Variants in KCNH8 observed in about 807,000 individuals in gnomAD.
KCNH8 encodes the protein voltage-gated delayed rectifier potassium channel KCNH8.
Under a neutral mutation model 103.6 loss-of-function variants are expected in KCNH8, and 70 were observed. The observed-to-expected ratio is 0.68, with a 90% CI of 0.56 to 0.82. The LOEUF is 0.82. Ranked by LOEUF, KCNH8 falls within the 40% of genes least tolerant of loss-of-function variation. The pLI, the probability that KCNH8 is intolerant of heterozygous loss-of-function variation, is 0.00. For missense variants in KCNH8, 1,217 were observed against 1,329.9 expected, an observed-to-expected ratio of 0.92 and a Z score of 1.32; for synonymous variants, 498 against 489.4, an observed-to-expected ratio of 1.02 and a Z score of -0.23.
At position 19,231,139 on chromosome 3, in the gene KCNH8, A is replaced by G. The variant is rs148026747; in HGVS notation, c.77-22515A>G. 1.0e-3 allele frequency among the ~76,000 whole-genome samples: 153 copies of G among 152,326 alleles called. No individual in the cohort carries two copies. The East Asian group carries it at 0.028, about 28-fold the overall frequency. Reference sequence around the variant, plus strand: ...TGTATATCTGCTATCTTGGGGGAACATATTACATTAACTGAAAAAGAAGAA... The same window carrying G: ...TGTATATCTGCTATCTTGGGGGAACGTATTACATTAACTGAAAAAGAAGAA... On this transcript the variant is annotated intron_variant, in intron 1 of 15. Coordinates refer to ENST00000328405, the MANE Select transcript of KCNH8 (RefSeq NM_144633.3).
intron 3 of KCNH8, among the ~76,000 whole-genome samples, chr3:19,284,552 T>TGA (rs1298324788): frequency 0.01 from 1,414 of 135,268 alleles, 39 homozygotes; most frequent in African/African-American, 0.036. Flanking sequence ...TGTGTGTGTG[T>TGA]GAGGGAGAGA....
chr3:19,201,366 T>A (rs929772586), intron 1 of KCNH8, among the ~76,000 whole-genome samples: 1 of 151,798 alleles, frequency 6.6e-6, no homozygotes, highest in African/African-American at 2.4e-5. Flanking sequence ...GTCATCTAGA[T>A]GTTTTCTAAC....
At chr3:19,487,686 GTC>G (rs976079452) in intron 11 of KCNH8, among the ~76,000 whole-genome samples, 8 of 152,216 alleles carry the variant, frequency 5.3e-5, no homozygotes, top group African/African-American at 1.9e-4. Flanking sequence ...GTTAGAAAAA[GTC>G]TCTATTCTTT....
Position 19,229,021 on chromosome 3 carries a change from G to T in KCNH8, c.77-24633G>T, listed in dbSNP as rs185600610. On this transcript the variant is annotated intron_variant, in intron 1 of 15. Transcript: ENST00000328405. ...TATAGGACATTTATAATTTCAAGTT[G>T]TACATTAGTCTAGAATTACTCATCC... 2.6e-4 allele frequency among the ~76,000 whole-genome samples: 39 copies of T among 152,296 alleles called. 1 individual carries two copies. The highest frequency in any genetic ancestry group is 2.3e-3 in the Admixed American group (35 of 15,300).
intron 7 of KCNH8, among the ~76,000 whole-genome samples, chr3:19,395,726 G>GATT (rs1448854729): frequency 6.6e-6 from 1 of 152,028 alleles, no homozygotes; most frequent in East Asian, 1.9e-4. Flanking sequence ...CGTATTAATA[G>GATT]AGAAGATATC....
Position 19,456,870 on chromosome 3 carries a change from T to C in KCNH8, c.1928T>C (p.Ile643Thr), listed in dbSNP as rs750177070. The C allele has an allele frequency of 6.2e-7, 1 of 1,611,848 alleles. No homozygotes were observed. The highest frequency in any genetic ancestry group is 1.1e-5 in the South Asian group (1 of 91,020). The change falls in exon 11 of 16, where the codon ATC (isoleucine) becomes ACC (threonine). Residue 643 changes from isoleucine (I) to threonine (T), a missense_variant. Coordinates refer to ENST00000328405, the MANE Select transcript of KCNH8 (RefSeq NM_144633.3). ...ALTYCDLQCI[I>T]LKGLFEVLDL... ...ACCTACTGTGATCTCCAGTGTATCATCCTCAAAGGACTCTTTGAAGTGCTA... is the reference window on the plus strand; with the variant it reads ...ACCTACTGTGATCTCCAGTGTATCACCCTCAAAGGACTCTTTGAAGTGCTA...
intron 3 of KCNH8, among the ~76,000 whole-genome samples, chr3:19,293,598 A>G (rs1343936581): frequency 6.6e-6 from 1 of 152,172 alleles, no homozygotes; most frequent in East Asian, 1.9e-4. Context: ...CATTTCTTAG[A>G]AGGCTTCCCC....
chr3:19,258,095 G>T (rs1174072343), intron 2 of KCNH8, among the ~76,000 whole-genome samples: 2 of 151,908 alleles, frequency 1.3e-5, no homozygotes, highest in African/African-American at 4.8e-5. Context: ...CTTTTAACTT[G>T]ATTACCTCTG....
At chr3:19,310,837 GAA>G (rs1559471082) in intron 3 of KCNH8, among the ~76,000 whole-genome samples, 1 of 151,762 alleles carries the variant, frequency 6.6e-6, no homozygotes, top group Non-Finnish European at 1.5e-5. Flanking sequence ...AACATAAGGT[GAA>G]AAAATACAAT....
At chr3:19,492,738 T>A (rs761839244) in intron 11 of KCNH8, among the ~76,000 whole-genome samples, 1 of 152,158 alleles carries the variant, frequency 6.6e-6, no homozygotes, top group Admixed American at 6.6e-5. Flanking sequence ...GGTAGTTCAA[T>A]AGGAGTAGCA....
chr3:19,260,268 G>A (rs909160740), intron 2 of KCNH8, among the ~76,000 whole-genome samples: 1 of 150,728 alleles, frequency 6.6e-6, no homozygotes, highest in African/African-American at 2.4e-5. Context: ...CACTATTTGG[G>A]CAACACGCTA....
chr3:19,223,899 TA>T (rs1297400268), intron 1 of KCNH8, among the ~76,000 whole-genome samples: 3 of 152,152 alleles, frequency 2.0e-5, no homozygotes, highest in Admixed American at 6.5e-5. Flanking sequence ...TAATCTTTAA[TA>T]TTTTTTTCTG....
At chr3:19,225,939 T>C (rs543962897) in intron 1 of KCNH8, among the ~76,000 whole-genome samples, 20 of 152,210 alleles carry the variant, frequency 1.3e-4, no homozygotes, top group Non-Finnish European at 2.8e-4. Flanking sequence ...GTAAGTCTTA[T>C]AGGTGTTTAT....
At chr3:19,275,109 A>G (rs957421929) in intron 2 of KCNH8, among the ~76,000 whole-genome samples, 19 of 151,282 alleles carry the variant, frequency 1.3e-4, no homozygotes, top group Non-Finnish European at 2.7e-4. Flanking sequence ...GAATCCTACT[A>G]TATATTTCTT....
chr3:19,404,297 T>A (rs1464789537), intron 7 of KCNH8, among the ~76,000 whole-genome samples: 1 of 151,966 alleles, frequency 6.6e-6, no homozygotes, highest in African/African-American at 2.4e-5. Context: ...CTTTCTAGTC[T>A]CATCTTCCTA....
At chr3:19,192,898 A>G (rs912815096) in intron 1 of KCNH8, among the ~76,000 whole-genome samples, 2 of 151,698 alleles carry the variant, frequency 1.3e-5, no homozygotes, top group Non-Finnish European at 3.0e-5. Flanking sequence ...TAGCAGGTGT[A>G]TTTAGAAAAG....
chr3:19,158,414 T>G (rs918980889), intron 1 of KCNH8, among the ~76,000 whole-genome samples: 19 of 151,922 alleles, frequency 1.3e-4, no homozygotes, highest in African/African-American at 3.9e-4. Flanking sequence ...CTCAGAATTT[T>G]ATTTGACTAA....
At chr3:19,412,756 A>G (rs951117045) in intron 7 of KCNH8, among the ~76,000 whole-genome samples, 3 of 152,026 alleles carry the variant, frequency 2.0e-5, no homozygotes, top group Admixed American at 6.6e-5. Context: ...AGACATACAC[A>G]TGGCCAACAA....
chr3:19,379,865 C>T (rs551774267), intron 5 of KCNH8, among the ~76,000 whole-genome samples: 22 of 152,022 alleles, frequency 1.4e-4, no homozygotes, highest in Non-Finnish European at 2.4e-4. Flanking sequence ...TGACTCTAAC[C>T]CCAATAAAGA....
Sources: allele counts gnomAD v4.1 joint callset (sites outside exome capture counted in the v4.1 genomes callset), GRCh38; gene constraint gnomAD v4.1.1; transcripts MANE v1.5; gene names NCBI Gene and HGNC (gene_info 2026-07-23, HGNC 2026-07-21).